Variants in POLR1D observed in about 807,000 individuals in gnomAD.
POLR1D encodes DNA-directed RNA polymerases I and III subunit RPAC2.
POLR1D carries 8 observed loss-of-function variants against 10.8 expected under a neutral mutation model. The ratio of observed to expected loss-of-function variants is 0.74; its 90% CI spans 0.43 to 1.33. POLR1D has a LOEUF of 1.33. Ranked by LOEUF, POLR1D falls within the 40% of genes most tolerant of loss-of-function variation. The probability of loss-of-function intolerance (pLI) is 0.01; values close to 1 mark genes in which losing one functional copy is unlikely to be tolerated. For missense variants in POLR1D, 152 were observed against 161.7 expected (o/e 0.94, Z 0.32); for synonymous variants, 54 against 57.2 (o/e 0.94, Z 0.25).
chr13:27,626,055 CAGTA>C (rs371380173), downstream of POLR1D, among the ~76,000 whole-genome samples: 21 of 152,180 alleles, frequency 1.4e-4, no homozygotes, highest in East Asian at 1.7e-3. Flanking sequence ...CTTATGGTGA[CAGTA>C]AGAAATTCTG....
upstream of POLR1D, chr13:27,621,490 G>C (rs1955917634): frequency 6.6e-6 from 1 of 152,512 alleles, no homozygotes; most frequent in African/African-American, 2.4e-5. Flanking sequence ...GGCCCGGGAG[G>C]GCCGGGGTCC....
chr13:27,664,054 A>G (rs755264486), intron 2 of POLR1D, among the ~76,000 whole-genome samples: 2 of 152,104 alleles, frequency 1.3e-5, no homozygotes, highest in Non-Finnish European at 2.9e-5. Context: ...TGAGTTTGCA[A>G]CTGCAGTGGG....
At chr13:27,643,245 A>G (rs985359123) in intron 1 of POLR1D, among the ~76,000 whole-genome samples, 8 of 152,208 alleles carry the variant, frequency 5.3e-5, no homozygotes, top group Admixed American at 5.2e-4. Context: ...CAAAATGTGC[A>G]GATTAATTTA....
At chr13:27,631,540 T>C (rs1280461054) in intron 1 of POLR1D, among the ~76,000 whole-genome samples, 1 of 152,208 alleles carries the variant, frequency 6.6e-6, no homozygotes, top group Admixed American at 6.5e-5. Context: ...CCGCCTTCTC[T>C]AAAGTGGCAT....
intron 1 of POLR1D, chr13:27,648,365 C>A: frequency 6.3e-7 from 1 of 1,576,038 alleles, no homozygotes; most frequent in Non-Finnish European, 8.7e-7. Flanking sequence ...AAATCTTTTC[C>A]TTTTTCTTAT....
At chr13:27,621,835 C>A (rs2232676), upstream of POLR1D, 7 of 788,998 alleles carry the variant, frequency 8.9e-6, no homozygotes, top group Middle Eastern at 2.3e-4. Flanking sequence ...TGGGCCCTGC[C>A]GCGCCGCTGC....
At chr13:27,645,030 A>G (rs1026468111) in intron 1 of POLR1D, among the ~76,000 whole-genome samples, 13 of 152,184 alleles carry the variant, frequency 8.5e-5, no homozygotes, top group Non-Finnish European at 1.8e-4. Context: ...AGGTAGTTAT[A>G]GTGTTTTAAG....
downstream of POLR1D, among the ~76,000 whole-genome samples, chr13:27,623,960 A>G (rs1428440571): frequency 6.6e-6 from 1 of 152,200 alleles, no homozygotes; most frequent in African/African-American, 2.4e-5. Flanking sequence ...AATTGGGATG[A>G]CTAGAAAACA....
intron 2 of POLR1D, among the ~76,000 whole-genome samples, chr13:27,654,527 T>A (rs578020414): frequency 9.9e-5 from 15 of 152,222 alleles, no homozygotes; most frequent in Non-Finnish European, 1.9e-4. Flanking sequence ...ATATTGGCAA[T>A]GAATACTGGG....
chr13:27,622,072 G>C, intron 1 of POLR1D, 63 bp downstream of exon 1: 1 of 1,448,062 alleles, frequency 6.9e-7, no homozygotes, highest in Non-Finnish European at 9.5e-7. Flanking sequence ...TGGCCGAGGG[G>C]CACGCTGCCT....
intron 1 of POLR1D, among the ~76,000 whole-genome samples, chr13:27,643,456 T>G (rs1444189512): frequency 6.6e-6 from 1 of 152,180 alleles, no homozygotes; most frequent in Non-Finnish European, 1.5e-5. Flanking sequence ...TTTGCCTGTG[T>G]CTGTAGTCAA....
Position 27,634,939 on chromosome 13 carries a change from T to C in POLR1D, c.26+12930T>C, listed in dbSNP as rs146110771. ...ATCCACCTGCCTTGGCCTCTCAAAG[T>C]GCTGGGATTAGTCATGAGCCACTAT... On this transcript the variant is annotated intron_variant, in intron 1 of 2. Coordinates refer to the POLR1D transcript ENST00000399697. Among the ~76,000 whole-genome samples the C allele has an allele frequency of 4.0e-3, 603 of 152,214 alleles. 12 individuals carry two copies. In the South Asian group the frequency reaches 0.063, roughly 16 times the overall value.
intron 1 of POLR1D, among the ~76,000 whole-genome samples, chr13:27,636,215 G>A (rs537864094): frequency 1.3e-5 from 2 of 151,994 alleles, no homozygotes; most frequent in East Asian, 1.9e-4. Context: ...TCTCCTCATC[G>A]TTTCTCCCTA....
chr13:27,648,242 C>A (rs890975159), intron 1 of POLR1D: 4 of 620,848 alleles, frequency 6.4e-6, no homozygotes, highest in Non-Finnish European at 1.2e-5. Context: ...AAATTGTCAA[C>A]CATTTAAAAA....
At chr13:27,648,386 A>G (rs758252910) in exon 2 of POLR1D, 2 of 1,603,232 alleles carry the variant, frequency 1.2e-6, no homozygotes, top group Non-Finnish European at 1.7e-6. Flanking sequence ...CAGGAAAGCA[A>G]TAGAAGAACT....
downstream of POLR1D, among the ~76,000 whole-genome samples, chr13:27,625,122 T>C (rs79903294): frequency 1.0e-3 from 153 of 152,216 alleles, 1 homozygote; most frequent in East Asian, 0.026. Flanking sequence ...ACTGAAGATA[T>C]TGAACAAAGA....
chr13:27,661,602 C>T (rs886483474), intron 2 of POLR1D, among the ~76,000 whole-genome samples: 2 of 152,122 alleles, frequency 1.3e-5, no homozygotes, highest in Admixed American at 1.3e-4. Context: ...CAGATGGTTA[C>T]CCTAAAGCTG....
intron 1 of POLR1D, among the ~76,000 whole-genome samples, chr13:27,631,259 G>A (rs558823915): frequency 1.2e-4 from 19 of 152,262 alleles, no homozygotes; most frequent in Non-Finnish European, 2.4e-4. Flanking sequence ...CATGGGAGAC[G>A]ATTTGCCCAC....
In POLR1D at chr13:27,663,688, G is replaced by T. The variant is rs1956387089; in HGVS notation, c.102-1998G>T. ...GTAGTTACCAAAGGTTTTGTTCTGA[G>T]ATCCTGGATTACCATCACGTCTGGG... On this transcript the variant is annotated intron_variant, in intron 2 of 2. Transcript: ENST00000399697. This position sits in a 1 kb window ranked among gnomAD's most constrained non-coding sequence, Gnocchi z 4.1. 6.6e-6 allele frequency among the ~76,000 whole-genome samples: 1 copy of T among 152,194 alleles called. No individual in the cohort carries two copies. Among genetic ancestry groups the T allele is most frequent in the Non-Finnish European group, 1.5e-5 (1 of 68,034 alleles).
Sources: gnomAD v4.1 joint callset for allele counts (sites outside exome capture counted in the v4.1 genomes callset) on GRCh38, gnomAD v4.1.1 for gene constraint, Gnocchi (gnomAD v3.1) non-coding constraint, MANE v1.5 for transcripts, NCBI Gene and HGNC (gene_info 2026-07-23, HGNC 2026-07-21) for gene names.